The following RTKN2 variants were observed in gnomAD, a reference collection of about 807,000 sequenced individuals.
RTKN2 encodes rhotekin 2.
RTKN2 carries 69 observed loss-of-function variants against 71.5 expected under a neutral mutation model. The ratio of observed to expected loss-of-function variants is 0.96; its 90% CI spans 0.79 to 1.18. RTKN2 has a LOEUF of 1.18. Ranked by LOEUF, RTKN2 falls within the 50% of genes most tolerant of loss-of-function variation. The probability of loss-of-function intolerance (pLI) is 0.00; values close to 1 mark genes in which losing one functional copy is unlikely to be tolerated. For synonymous variants in RTKN2, 236 were observed against 236.5 expected (o/e 1.00, Z 0.02); for missense variants, 724 against 719.7 (o/e 1.01, Z -0.07).
chr10:62,238,004 T>C (rs1359802005), intron 5 of RTKN2, among the ~76,000 whole-genome samples: 1 of 151,852 alleles, frequency 6.6e-6, no homozygotes, highest in Non-Finnish European at 1.5e-5. Context: ...CAATAAAATA[T>C]ACTTAAGACT....
At chr10:62,218,037 C>T (rs1195127999) in intron 8 of RTKN2, among the ~76,000 whole-genome samples, 158 bp downstream of exon 8, 4 of 151,988 alleles carry the variant, frequency 2.6e-5, no homozygotes, top group African/African-American at 7.3e-5. Context: ...CTTTTCACCC[C>T]GCACCCCCTA....
At position 62,268,746 on chromosome 10, in the gene RTKN2, A is replaced by C. The variant is rs1277860891; in HGVS notation, c.-136T>G. 41 of 918,838 alleles carry C rather than the reference A, an allele frequency of 4.5e-5. No individual in the cohort carries two copies. Among genetic ancestry groups the C allele is most frequent in the Middle Eastern group, 3.5e-4 (1 of 2,882 alleles). The allele number at this position is 918,838 out of a possible 1,614,324, so 56.9% of individuals were successfully genotyped here. A position where few individuals can be genotyped will look rare whatever the true frequency, so the allele number is the denominator to read the frequency against. On this transcript the variant is annotated 5_prime_UTR_variant, in exon 1 of 12. Transcript: ENST00000373789. Reference sequence around the variant, plus strand: ...CAGTCGCAGGGGCCGGGGGCGCAGGAGGAGCCGGGCCGAAGCGCACGCGCA... The same window carrying C: ...CAGTCGCAGGGGCCGGGGGCGCAGGCGGAGCCGGGCCGAAGCGCACGCGCA...
intron 1 of RTKN2, among the ~76,000 whole-genome samples, chr10:62,263,394 C>G (rs1445238015): frequency 2.6e-5 from 4 of 152,204 alleles, no homozygotes; most frequent in African/African-American, 9.6e-5. Flanking sequence ...TGCAGAGGAG[C>G]ATGACCCTGC....
In RTKN2 at chr10:62,197,502, C is replaced by T. The variant is rs1299710752; in HGVS notation, c.*406G>A. The T allele has an allele frequency of 6.0e-5, 59 of 988,152 alleles. No individual in the cohort carries two copies. The highest frequency in any genetic ancestry group is 1.2e-4 in the Admixed American group (2 of 16,618). The allele number at this position is 988,152 out of a possible 1,614,324, so 61.2% of individuals were successfully genotyped here. ...TGTGGTTTGAATAAAACCTTTGAAA[C>T]ATTCCATTAGTATTAAAATTCTCAC... is the stretch of plus-strand genomic sequence containing the variant. On this transcript the variant is annotated 3_prime_UTR_variant, in exon 12 of 12. Transcript: ENST00000373789.
At position 62,268,817 on chromosome 10, in the gene RTKN2, G is replaced by A. The variant is rs1842919278; in HGVS notation, c.-207C>T. The stretch of plus-strand genomic sequence containing the variant: ...GCAGCTCCCGCCGCCGGAAGTTGCC[G>A]AGACCCCAGGCTCTAGCGCGGCGGG... On this transcript the variant is annotated 5_prime_UTR_variant, in exon 1 of 12. Coordinates refer to ENST00000373789, the MANE Select transcript of RTKN2 (RefSeq NM_145307.4). The A allele has an allele frequency of 3.6e-6, 2 of 553,108 alleles. No homozygotes were observed. Among genetic ancestry groups the A allele is most frequent in the African/African-American group, 2.0e-5 (1 of 49,222 alleles). 34.3% of individuals were successfully genotyped at this position (553,108 alleles called of 1,614,324 possible).
chr10:62,229,144 G>A (rs150705307), intron 6 of RTKN2, among the ~76,000 whole-genome samples: 1 of 152,320 alleles, frequency 6.6e-6, no homozygotes, highest in East Asian at 1.9e-4. Context: ...CAAGGTTGGA[G>A]TTTTTCCAAG....
intron 2 of RTKN2, among the ~76,000 whole-genome samples, chr10:62,262,020 G>A (rs980597444): frequency 6.6e-6 from 1 of 152,172 alleles, no homozygotes; most frequent in African/African-American, 2.4e-5. Context: ...ACAAATCATA[G>A]ATCTAATCTA....
intron 6 of RTKN2, among the ~76,000 whole-genome samples, chr10:62,233,172 G>T (rs1842186489): frequency 6.6e-6 from 1 of 152,152 alleles, no homozygotes; most frequent in Non-Finnish European, 1.5e-5. Context: ...ACCATATAGT[G>T]TAGTTGGATA....
intron 9 of RTKN2, 51 bp downstream of exon 9, chr10:62,217,061 GACAAAA>G (rs1048907303): frequency 3.7e-5 from 50 of 1,358,870 alleles, no homozygotes; most frequent in Non-Finnish European, 4.7e-5. Context: ...AAACTGCACA[GACAAAA>G]ACAAACTTCC....
intron 6 of RTKN2, among the ~76,000 whole-genome samples, chr10:62,234,692 C>T (rs550501999): frequency 2.0e-5 from 3 of 151,926 alleles, no homozygotes; most frequent in South Asian, 2.1e-4. Flanking sequence ...TACAAGGACA[C>T]GTTCTTTGCA....
At chr10:62,208,538 A>G (rs901945394) in intron 9 of RTKN2, among the ~76,000 whole-genome samples, 3 of 152,218 alleles carry the variant, frequency 2.0e-5, no homozygotes, top group African/African-American at 7.2e-5. Context: ...CAATGGACAG[A>G]CACATGACAT....
At chr10:62,236,373 A>G in intron 5 of RTKN2, 110 bp from the exon 6 acceptor site, 1 of 736,704 alleles carries the variant, frequency 1.4e-6, no homozygotes, top group Non-Finnish European at 2.2e-6. Flanking sequence ...ACATCAGGAA[A>G]ATGCAAATTA....
At position 62,268,554 on chromosome 10, in the gene RTKN2, C is replaced by G; in HGVS notation, c.57G>C (p.Gln19His). 1 of 1,558,804 alleles carries G rather than the reference C, an allele frequency of 6.4e-7. No individual in the cohort carries two copies. Among genetic ancestry groups the G allele is most frequent in the Non-Finnish European group, 8.7e-7 (1 of 1,151,090 alleles). Reference protein sequence around the residue: ...PALRLAGLPTQQDCNIQEKID... With the variant: ...PALRLAGLPTHQDCNIQEKID... ...CAGGGTCCCTCCCGCAACTCACCTGCTGGGTGGGAAGCCCCGCCAGGCGGA... is the reference window on the plus strand; with the variant it reads ...CAGGGTCCCTCCCGCAACTCACCTGGTGGGTGGGAAGCCCCGCCAGGCGGA... The change falls in exon 1 of 12, where the codon CAG becomes CAC. Residue 19 changes from glutamine (Q) to histidine (H), a missense_variant. Gln to His is a conservative substitution (Grantham distance 24, BLOSUM62 0). Transcript: ENST00000373789.
rs1188128456 is a variant in RTKN2 at position 62,194,528 on chromosome 10, G to A, written c.*3380C>T. ...AGTTTTGATAAATTCAGACCACAGGGACAGATATTTTTCTTGCAGAGCAGT... is the reference window on the plus strand; with the variant it reads ...AGTTTTGATAAATTCAGACCACAGGAACAGATATTTTTCTTGCAGAGCAGT... On this transcript the variant is annotated 3_prime_UTR_variant, in exon 12 of 12. Transcript: ENST00000373789. The A allele has an allele frequency of 4.1e-6, 4 of 984,598 alleles. No individual in the cohort carries two copies. Among genetic ancestry groups the A allele is most frequent in the Non-Finnish European group, 3.6e-6 (3 of 829,338 alleles). The allele number at this position is 984,598 out of a possible 1,614,324, so 61.0% of individuals were successfully genotyped here. A position where few individuals can be genotyped will look rare whatever the true frequency, so the allele number is the denominator to read the frequency against.
chr10:62,250,483 TAAAA>T (rs1842560359), intron 2 of RTKN2, among the ~76,000 whole-genome samples: 1 of 152,198 alleles, frequency 6.6e-6, no homozygotes, highest in African/African-American at 2.4e-5. Flanking sequence ...GTTCCAATAA[TAAAA>T]AACATTCTTG....
At chr10:62,220,582 T>C (rs6479791) in intron 7 of RTKN2, among the ~76,000 whole-genome samples, 87,120 of 151,980 alleles carry the variant, frequency 0.57, 25,425 homozygotes, top group East Asian at 0.9. Flanking sequence ...AAGGATACAA[T>C]GAAAAAGACT....
chr10:62,253,312 C>A (rs529700953), intron 2 of RTKN2, among the ~76,000 whole-genome samples: 17 of 152,140 alleles, frequency 1.1e-4, no homozygotes, highest in Non-Finnish European at 2.4e-4. Flanking sequence ...TCGCAAGTAC[C>A]GAATGTACCA....
At chr10:62,255,444 G>A (rs2133071786) in intron 2 of RTKN2, among the ~76,000 whole-genome samples, 1 of 152,248 alleles carries the variant, frequency 6.6e-6, no homozygotes, top group East Asian at 1.9e-4. Flanking sequence ...GGAAGCAAGA[G>A]ATTCTTAGTG....
chr10:62,255,897 G>C (rs1356704973), intron 2 of RTKN2, among the ~76,000 whole-genome samples: 2 of 152,150 alleles, frequency 1.3e-5, no homozygotes, highest in Non-Finnish European at 2.9e-5. Context: ...AAAGCCTTTA[G>C]ACTCAATGTC....
Sources: allele counts gnomAD v4.1 joint callset (sites outside exome capture counted in the v4.1 genomes callset), GRCh38; gene constraint gnomAD v4.1.1; transcripts MANE v1.5; gene names NCBI Gene and HGNC (gene_info 2026-07-23, HGNC 2026-07-21).